RFPL3: variants seen among roughly 807,000 people sequenced by gnomAD.
RFPL3 encodes the protein ret finger protein like 3.
RFPL3 carries 8 observed loss-of-function variants against 8.7 expected under a neutral mutation model. That is an observed-to-expected ratio of 0.92 (90% CI 0.54 to 1.66). The LOEUF is 1.66. RFPL3 is among the 40% of genes most tolerant of loss of function. RFPL3 has a pLI of 0.00. For synonymous variants in RFPL3, 145 were observed against 150.5 expected (o/e 0.96, Z 0.27); for missense variants, 341 against 395.0 (o/e 0.86, Z 1.16).
In RFPL3 at chr22:32,360,919, T is replaced by C. The variant is rs532723120; in HGVS notation, c.*87T>C. 1 of 1,288,314 alleles carries C rather than the reference T, an allele frequency of 7.8e-7. No homozygotes were observed. Among genetic ancestry groups the C allele is most frequent in the Non-Finnish European group, 1.1e-6 (1 of 947,384 alleles). The allele number at this position is 1,288,314 out of a possible 1,614,324, so 79.8% of individuals were successfully genotyped here. On this transcript the variant is annotated 3_prime_UTR_variant, in exon 2 of 2. Coordinates refer to ENST00000249007, the MANE Select transcript of RFPL3 (RefSeq NM_001098535.1). ...TCTACTTGGTAAAAGCATTATACAG[T>C]CATAGGAGAAAGATATGGGACATTT...
rs748004491 is a variant in RFPL3, at chr22:32,360,366, T to C, written c.488T>C (p.Phe163Ser). Residue 163 changes from phenylalanine to serine, a missense_variant, in exon 2 of 2, where the codon TTT becomes TCT. Phe to Ser is a radical substitution (Grantham distance 155, BLOSUM62 -2). Transcript: ENST00000249007. ...TQNRQDLAER[F>S]DVSVCILGSP... is the part of the protein sequence containing the mutation. Reference sequence around the variant, plus strand: ...AATCGGCAAGACCTTGCCGAGAGATTTGACGTGTCCGTTTGCATCCTGGGC... The same window carrying C: ...AATCGGCAAGACCTTGCCGAGAGATCTGACGTGTCCGTTTGCATCCTGGGC... 1.2e-6 allele frequency: 2 copies of C among 1,613,826 alleles called. No individual in the cohort carries two copies. Among genetic ancestry groups the C allele is most frequent in the Non-Finnish European group, 8.5e-7 (1 of 1,179,880 alleles).
At chr22:32,360,200 C>A in intron 1 of RFPL3, 52 bp from the exon 2 acceptor site, 1 of 1,562,320 alleles carries the variant, frequency 6.4e-7, no homozygotes, top group Non-Finnish European at 8.7e-7. Context: ...AGAAGAGAGG[C>A]ATGGGGTTGG....
At chr22:32,358,914 G>A (rs1481809201) in intron 1 of RFPL3, among the ~76,000 whole-genome samples, 1 of 152,210 alleles carries the variant, frequency 6.6e-6, no homozygotes, top group Admixed American at 6.5e-5. Flanking sequence ...CCCCAGGGTT[G>A]AGAAGAGTTG....
chr22:32,357,004 G>A (rs1268575839), upstream of RFPL3: 11 of 466,460 alleles, frequency 2.4e-5, no homozygotes, highest in South Asian at 6.8e-5. Context: ...GTGGGCGAGC[G>A]GCAGGAGGTC....
upstream of RFPL3, chr22:32,356,792 T>C: frequency 2.5e-6 from 1 of 393,064 alleles, no homozygotes; most frequent in Non-Finnish European, 5.1e-6. Context: ...CGCTTCTGGC[T>C]GTGTGCTTGT....
At chr22:32,360,175 T>C in intron 1 of RFPL3, 77 bp from the exon 2 acceptor site, 1 of 1,497,068 alleles carries the variant, frequency 6.7e-7, no homozygotes, top group Non-Finnish European at 9.0e-7. Flanking sequence ...CAGGAGATAT[T>C]TGGGCCTTTG....
chr22:32,356,643 G>A, upstream of RFPL3: 1 of 242,896 alleles, frequency 4.1e-6, no homozygotes, highest in Non-Finnish European at 8.5e-6. Context: ...GCAGCTCCAG[G>A]CCCCCATGGG....
At chr22:32,358,680 T>C (rs1601406690) in intron 1 of RFPL3, among the ~76,000 whole-genome samples, 1 of 152,274 alleles carries the variant, frequency 6.6e-6, no homozygotes, top group East Asian at 1.9e-4. Context: ...TCTCTAAACT[T>C]AGTGTGCTCA....
At chr22:32,355,072 C>CCG (rs1276807958), upstream of RFPL3, among the ~76,000 whole-genome samples, 43 of 151,728 alleles carry the variant, frequency 2.8e-4, no homozygotes, top group East Asian at 8.1e-4. Flanking sequence ...ACAAAACTCC[C>CCG]CCCACTTGGC....
At chr22:32,356,155 G>C (rs1569429902), upstream of RFPL3, among the ~76,000 whole-genome samples, 1 of 152,178 alleles carries the variant, frequency 6.6e-6, no homozygotes, top group Non-Finnish European at 1.5e-5. Context: ...GCATTCCAGG[G>C]GCCAGGGAGC....
upstream of RFPL3, chr22:32,355,031 T>C (rs925482710): frequency 5.3e-5 from 8 of 151,980 alleles, no homozygotes; most frequent in Non-Finnish European, 1.0e-4. Flanking sequence ...ACTAACCAGC[T>C]ACACAAGCTG....
upstream of RFPL3, chr22:32,357,769 T>C (rs1601405778): frequency 2.0e-6 from 2 of 1,001,018 alleles, no homozygotes; most frequent in East Asian, 8.9e-5. Context: ...GCCCAGCCTC[T>C]CAGCTCCTAA....
chr22:32,359,968 G>T, intron 1 of RFPL3: 1 of 452,580 alleles, frequency 2.2e-6, no homozygotes, highest in Non-Finnish European at 3.9e-6. Flanking sequence ...CATGGTGTCT[G>T]CCTTCAGAGA....
chr22:32,356,317 A>C (rs1932665755), upstream of RFPL3, among the ~76,000 whole-genome samples: 1 of 152,078 alleles, frequency 6.6e-6, no homozygotes, highest in South Asian at 2.1e-4. Flanking sequence ...GCCAAGCTGC[A>C]AGGAGGAAGA....
chr22:32,358,316 C>A lies in RFPL3; in HGVS notation c.245C>A (p.Ser82Tyr). ...HGEDLLCCCC[S>Y]MVSQRNKIRP... ...GAGGATCTGCTTTGCTGTTGCTGTTCCATGGTCTCTCAGAGGAACAAAATC... is the reference window on the plus strand; with the variant it reads ...GAGGATCTGCTTTGCTGTTGCTGTTACATGGTCTCTCAGAGGAACAAAATC... Residue 82 changes from serine (S) to tyrosine (Y), a missense_variant, in exon 1 of 2, where the codon TCC (serine) becomes TAC (tyrosine). Coordinates refer to ENST00000249007, the MANE Select transcript of RFPL3 (RefSeq NM_001098535.1). 1 of 1,614,028 alleles carries A rather than the reference C, an allele frequency of 6.2e-7. No homozygotes were observed. The highest frequency in any genetic ancestry group is 8.5e-7 in the Non-Finnish European group (1 of 1,179,968).
chr22:32,360,652 T>C lies in RFPL3; in HGVS notation c.774T>C (p.Phe258=). The part of the protein sequence containing the change: ...FLDMGMQNVS[F]FDAESGSHVY... ...ATATGGGCATGCAGAACGTTTCCTT[T>C]TTTGATGCTGAAAGTGGTTCCCATG... Residue 258 remains phenylalanine, a synonymous_variant, in exon 2 of 2, where the codon TTT becomes TTC. Coordinates refer to ENST00000249007, the MANE Select transcript of RFPL3 (RefSeq NM_001098535.1). 1 of 1,613,558 alleles carries C rather than the reference T, an allele frequency of 6.2e-7. No individual in the cohort carries two copies. The highest frequency in any genetic ancestry group is 8.5e-7 in the Non-Finnish European group (1 of 1,179,712).
At position 32,360,676 on chromosome 22, in the gene RFPL3, T is replaced by C. The variant is rs766229302; in HGVS notation, c.798T>C (p.His266=). Residue 266 remains histidine (H), a synonymous_variant, in exon 2 of 2, where the codon CAT becomes CAC. Coordinates refer to ENST00000249007, the MANE Select transcript of RFPL3 (RefSeq NM_001098535.1). ...VSFFDAESGS[H]VYTFRSVSAE... ...TTTTTGATGCTGAAAGTGGTTCCCA[T>C]GTCTATACATTCAGGAGCGTCTCTG... 6.2e-6 allele frequency: 10 copies of C among 1,614,020 alleles called. No individual in the cohort carries two copies. The South Asian group carries it at 8.8e-5, about 14-fold the overall frequency.
At chr22:32,357,770 C>A (rs4577392), upstream of RFPL3, 63,902 of 1,004,614 alleles carry the variant, frequency 0.064, 4,137 homozygotes, top group East Asian at 0.44. Flanking sequence ...CCCAGCCTCT[C>A]AGCTCCTAAT....
rs9621426 is a variant in RFPL3 at position 32,358,299 on chromosome 22, G to A, written c.228G>A (p.Leu76=). Residue 76 remains leucine, a synonymous_variant, in exon 1 of 2, where the codon CTG becomes CTA. Transcript: ENST00000249007. ...SLQKEPHGED[L]LCCCCSMVSQ... The stretch of plus-strand genomic sequence containing the variant: ...AGAAGGAGCCCCATGGGGAGGATCT[G>A]CTTTGCTGTTGCTGTTCCATGGTCT... 0.03 allele frequency: 48,910 copies of A among 1,614,002 alleles called. 870 individuals are homozygous for A. Among genetic ancestry groups the A allele is most frequent in the Non-Finnish European group, 0.036 (41,902 of 1,179,922 alleles).
Sources: gnomAD v4.1 joint callset for allele counts (sites outside exome capture counted in the v4.1 genomes callset) on GRCh38, gnomAD v4.1.1 for gene constraint, MANE v1.5 for transcripts, NCBI Gene and HGNC (gene_info 2026-07-23, HGNC 2026-07-21) for gene names.